LY75: variants seen among roughly 807,000 people sequenced by gnomAD.
The protein encoded by LY75 is lymphocyte antigen 75, also known as C-type lectin domain family 13 member B.
LY75 carries 185 observed loss-of-function variants against 231.7 expected under a neutral mutation model. That is an observed-to-expected ratio of 0.80 (90% confidence interval 0.71 to 0.90). LY75 has a LOEUF of 0.90. Ranked by LOEUF, LY75 falls within the 40% of genes least tolerant of loss-of-function variation. The pLI is 0.00. For synonymous variants in LY75, 668 were observed against 689.0 expected, an observed-to-expected ratio of 0.97 and a Z score of 0.48; for missense variants, 1,947 against 2,050.2, an observed-to-expected ratio of 0.95 and a Z score of 0.97.
In LY75 at chr2:159,827,517, A is replaced by G. The variant is rs183158378; in HGVS notation, c.3958+4153T>C. On this transcript the variant is annotated intron_variant, in intron 28 of 34. Coordinates refer to ENST00000263636, the MANE Select transcript of LY75 (RefSeq NM_002349.4). ...ACTTTTACACTGTTGGTGGGACTGT[A>G]AATTAGTTCAACCATTGTGGAAGAC... Among the ~76,000 whole-genome samples, 193 of 152,382 alleles carry G rather than the reference A, an allele frequency of 1.3e-3. 4 individuals are homozygous for G. In the East Asian group the frequency reaches 0.032, roughly 25 times the overall value.
intron 27 of LY75, among the ~76,000 whole-genome samples, chr2:159,833,284 G>A (rs141658129): frequency 6.6e-6 from 1 of 152,118 alleles, no homozygotes; most frequent in African/African-American, 2.4e-5. Flanking sequence ...GTGCCACCAT[G>A]CTTTTAATTT....
chr2:159,849,575 T>C (rs550626277), intron 23 of LY75, among the ~76,000 whole-genome samples: 2 of 152,326 alleles, frequency 1.3e-5, no homozygotes, highest in East Asian at 1.9e-4. Context: ...AATCTGATGC[T>C]ACTGTGAAAA....
intron 16 of LY75, 55 bp from the exon 17 acceptor site, chr2:159,854,994 C>G: frequency 6.2e-7 from 1 of 1,607,812 alleles, no homozygotes; most frequent in Non-Finnish European, 8.5e-7. Context: ...TCAGGGTATA[C>G]TATAAGTACG....
In LY75 at chr2:159,899,059, G is replaced by C. The variant is rs771633009; in HGVS notation, c.95C>G (p.Ala32Gly). The C allele has an allele frequency of 2.5e-6, 4 of 1,609,656 alleles. No homozygotes were observed. In the Admixed American group the frequency reaches 5.0e-5, roughly 20 times the overall value. ...ATGGACGATGGTGAAGGGGTCATTA[G>C]CTGAGTCAAATGGACAGACAGATTG... ...FDLAEPSGRA[A>G]NDPFTIVHGN... Residue 32 changes from alanine to glycine, a missense_variant and splice_region_variant, in exon 2 of 35, where the codon GCT (alanine) becomes GGT (glycine). Physicochemically the swap from Ala to Gly is moderately conservative, Grantham distance 60 (BLOSUM62 0). Coordinates refer to ENST00000263636, the MANE Select transcript of LY75 (RefSeq NM_002349.4).
At chr2:159,889,110 A>G (rs533672537) in intron 4 of LY75, among the ~76,000 whole-genome samples, 1 of 152,324 alleles carries the variant, frequency 6.6e-6, no homozygotes, top group South Asian at 2.1e-4. Context: ...CTTTTGAAAG[A>G]TATACAAGAC....
chr2:159,853,602 C>A, intron 19 of LY75, 28 bp downstream of exon 19: 1 of 1,612,896 alleles, frequency 6.2e-7, no homozygotes, highest in Non-Finnish European at 8.5e-7. Flanking sequence ...GATAACTTTA[C>A]AAAGGTAGAA....
At chr2:159,823,440 G>A (rs1683363175) in intron 28 of LY75, among the ~76,000 whole-genome samples, 1 of 152,138 alleles carries the variant, frequency 6.6e-6, no homozygotes, top group South Asian at 2.1e-4. Flanking sequence ...CAAGAAATAT[G>A]GGACTATGTG....
At chr2:159,822,941 G>A (rs1451130800) in intron 28 of LY75, among the ~76,000 whole-genome samples, 2 of 152,138 alleles carry the variant, frequency 1.3e-5, no homozygotes, top group African/African-American at 2.4e-5. Flanking sequence ...CCCATCTGAA[G>A]GTCACCAACA....
chr2:159,810,770 T>C (rs1012228505), intron 31 of LY75, 95 bp from the exon 32 acceptor site: 3 of 1,543,666 alleles, frequency 1.9e-6, no homozygotes, highest in Non-Finnish European at 2.6e-6. Context: ...ACTGTTGCGT[T>C]TGTGGTTGAG....
intron 1 of LY75, chr2:159,903,046 T>A (rs756054815): frequency 1.3e-5 from 2 of 152,170 alleles, no homozygotes; most frequent in Non-Finnish European, 2.9e-5. Flanking sequence ...GGTTCAAAAT[T>A]CCAGTGCTTC....
rs1390891805 is a variant in LY75, at chr2:159,860,933, A to C, written c.2200-44T>G. 5 of 1,610,098 alleles carry C rather than the reference A, an allele frequency of 3.1e-6. No homozygotes were observed. In the South Asian group the frequency reaches 5.5e-5, roughly 18 times the overall value. On this transcript the variant is annotated intron_variant, in intron 14 of 34. Transcript: ENST00000263636. ...CTTGAGAATTTAAGACTGATGTATA[A>C]ATATTTGCAATTTAGATGTAATTTA...
chr2:159,831,037 G>T (rs751875074), intron 28 of LY75, among the ~76,000 whole-genome samples: 21 of 152,204 alleles, frequency 1.4e-4, no homozygotes, highest in Admixed American at 3.9e-4. Context: ...ATTTATATGG[G>T]ATGGTGATCA....
intron 25 of LY75, among the ~76,000 whole-genome samples, chr2:159,837,294 G>T (rs1278205730): frequency 6.6e-6 from 1 of 152,208 alleles, no homozygotes; most frequent in African/African-American, 2.4e-5. Context: ...ATACATGATG[G>T]CATACTGTGC....
rs1280419095 is a variant in LY75 at position 159,807,124 on chromosome 2, C to G, written c.4839G>C (p.Trp1613Cys). 1 of 1,613,014 alleles carries G rather than the reference C, an allele frequency of 6.2e-7. No homozygotes were observed. The highest frequency in any genetic ancestry group is 2.2e-5 in the East Asian group (1 of 44,842). Reference protein sequence around the residue: ...SQHSVDQSWSWLDGSEVTFVK... With the variant: ...SQHSVDQSWSCLDGSEVTFVK... ...CAAATGTCACTTCTGATCCATCTAA[C>G]CAACTCCAAGACTGGTCTGAAGAAA... Residue 1613 changes from tryptophan (W) to cysteine (C), a missense_variant, in exon 34 of 35, where the codon TGG (tryptophan) becomes TGC (cysteine). Transcript: ENST00000263636.
chr2:159,886,785 G>T (rs566780121), intron 4 of LY75, among the ~76,000 whole-genome samples: 1 of 152,178 alleles, frequency 6.6e-6, no homozygotes, highest in African/African-American at 2.4e-5. Flanking sequence ...TTCATCTAAG[G>T]TAAGGACAGA....
chr2:159,855,279 T>C (rs746736054), intron 16 of LY75, among the ~76,000 whole-genome samples: 19 of 152,214 alleles, frequency 1.2e-4, no homozygotes, highest in Non-Finnish European at 2.1e-4. Flanking sequence ...TTGTATGTGT[T>C]ACACAGAAGC....
At chr2:159,869,688 C>CA (rs1400817552) in intron 13 of LY75, among the ~76,000 whole-genome samples, 1 of 152,198 alleles carries the variant, frequency 6.6e-6, no homozygotes, top group African/African-American at 2.4e-5. Flanking sequence ...TGCCACAGAA[C>CA]ACTGCCACAT....
At chr2:159,852,899 A>G (rs1357907909) in intron 20 of LY75, among the ~76,000 whole-genome samples, 2 of 152,214 alleles carry the variant, frequency 1.3e-5, no homozygotes, top group East Asian at 3.8e-4. Context: ...TTGTGTGACT[A>G]CCATACCATC....
intron 7 of LY75, 152 bp from the exon 8 acceptor site, chr2:159,881,392 G>T: frequency 1.0e-6 from 1 of 958,142 alleles, no homozygotes. Context: ...CGACAGGCAG[G>T]TTGGGTAATG....
Sources: allele counts gnomAD v4.1 joint callset (sites outside exome capture counted in the v4.1 genomes callset), GRCh38; gene constraint gnomAD v4.1.1; transcripts MANE v1.5; gene names NCBI Gene and HGNC (gene_info 2026-07-23, HGNC 2026-07-21).